The following POU2F1 variants were observed in gnomAD, a reference collection of about 807,000 sequenced individuals.
POU2F1 encodes POU domain, class 2, transcription factor 1.
Under a neutral mutation model 84.9 loss-of-function variants are expected in POU2F1, and 16 were observed. The observed-to-expected ratio is 0.19, with a 90% CI of 0.13 to 0.29. The LOEUF (loss-of-function observed/expected upper bound fraction) is 0.29. POU2F1 is among the 10% of genes least tolerant of loss of function. POU2F1 has a pLI of 1.00. For missense variants in POU2F1, 738 were observed against 942.6 expected, an observed-to-expected ratio of 0.78 and a Z score of 2.84; for synonymous variants, 368 against 368.3, an observed-to-expected ratio of 1.00 and a Z score of 0.01.
rs2101975619 is a variant in POU2F1 at position 167,426,658 on chromosome 1, T to G, written c.*10848T>G. The G allele has an allele frequency of 6.6e-6, 1 of 152,350 alleles. No homozygotes were observed. Among genetic ancestry groups the G allele is most frequent in the South Asian group, 2.1e-4 (1 of 4,828 alleles). The allele number at this position is 152,350 out of a possible 1,614,324, so 9.4% of individuals were successfully genotyped here. A position where few individuals can be genotyped will look rare whatever the true frequency, so the allele number is the denominator to read the frequency against. On this transcript the variant is annotated 3_prime_UTR_variant, in exon 16 of 16. Coordinates refer to ENST00000367866, the MANE Select transcript of POU2F1 (RefSeq NM_002697.4). Reference sequence around the variant, plus strand: ...ATTCAGGGGTGTTTGTCCACTGTTGTCAAAGGAGGGGCACAAGGGGAATTG... The same window carrying G: ...ATTCAGGGGTGTTTGTCCACTGTTGGCAAAGGAGGGGCACAAGGGGAATTG...
At chr1:167,297,419 C>T (rs919529419) in intron 1 of POU2F1, among the ~76,000 whole-genome samples, 2 of 152,142 alleles carry the variant, frequency 1.3e-5, no homozygotes, top group Non-Finnish European at 2.9e-5. Context: ...TTTTGCTTTA[C>T]CCTCATGGTT....
intron 1 of POU2F1, among the ~76,000 whole-genome samples, chr1:167,281,965 C>T (rs1301396669): frequency 6.6e-6 from 1 of 152,012 alleles, no homozygotes; most frequent in Non-Finnish European, 1.5e-5. Flanking sequence ...TTACTTAGTA[C>T]CAAGGCTTCC....
intron 1 of POU2F1, among the ~76,000 whole-genome samples, chr1:167,298,048 C>T (rs1654410563): frequency 6.6e-6 from 1 of 152,008 alleles, no homozygotes; most frequent in Non-Finnish European, 1.5e-5. Context: ...ATTGCTTGAA[C>T]CTGGGAGGCA....
intron 2 of POU2F1, among the ~76,000 whole-genome samples, chr1:167,352,707 T>G (rs370529130): frequency 6.6e-6 from 1 of 152,258 alleles, no homozygotes; most frequent in African/African-American, 2.4e-5. Context: ...TTCCAAAATA[T>G]GAAATAAATA....
At chr1:167,324,470 T>G (rs1008343810) in intron 1 of POU2F1, among the ~76,000 whole-genome samples, 1 of 152,232 alleles carries the variant, frequency 6.6e-6, no homozygotes, top group Non-Finnish European at 1.5e-5. Context: ...AAAAAATTGG[T>G]GAATGAATGT....
rs1473270351 is a variant in POU2F1 at position 167,418,103 on chromosome 1, T to C, written c.*2293T>C. Reference sequence around the variant, plus strand: ...CTAAGCTTGAACCAAAGTCAATTTTTAGCAAGCTGCTGTACTAATGGACTA... The same window carrying C: ...CTAAGCTTGAACCAAAGTCAATTTTCAGCAAGCTGCTGTACTAATGGACTA... On this transcript the variant is annotated 3_prime_UTR_variant, in exon 16 of 16. Coordinates refer to ENST00000367866, the MANE Select transcript of POU2F1 (RefSeq NM_002697.4). The C allele has an allele frequency of 1.3e-5, 2 of 152,254 alleles. No individual in the cohort carries two copies. The highest frequency in any genetic ancestry group is 2.9e-5 in the Non-Finnish European group (2 of 68,046). 9.4% of individuals were successfully genotyped at this position (152,254 alleles called of 1,614,324 possible). A position where few individuals can be genotyped will look rare whatever the true frequency, so the allele number is the denominator to read the frequency against.
Position 167,426,938 on chromosome 1 carries a change from A to G in POU2F1, c.*11128A>G, listed in dbSNP as rs1305087451. 1 of 152,182 alleles carries G rather than the reference A, an allele frequency of 6.6e-6. No individual in the cohort carries two copies. The highest frequency in any genetic ancestry group is 1.5e-5 in the Non-Finnish European group (1 of 68,042). The allele number at this position is 152,182 out of a possible 1,614,324, so 9.4% of individuals were successfully genotyped here. A position where few individuals can be genotyped will look rare whatever the true frequency, so the allele number is the denominator to read the frequency against. ...GTTAGCCAAATATTTCCCCTCTGAT[A>G]GGAATATTTTCTAAGAATCAGCTGA... On this transcript the variant is annotated 3_prime_UTR_variant, in exon 16 of 16. Transcript: ENST00000367866.
chr1:167,279,574 C>T (rs533966844), intron 1 of POU2F1, among the ~76,000 whole-genome samples: 3 of 152,172 alleles, frequency 2.0e-5, no homozygotes, highest in South Asian at 2.1e-4. Context: ...CAGAGGGGGC[C>T]GTGCATGGTG....
At chr1:167,342,445 T>C (rs1449291186) in intron 2 of POU2F1, among the ~76,000 whole-genome samples, 1 of 152,204 alleles carries the variant, frequency 6.6e-6, no homozygotes, top group Non-Finnish European at 1.5e-5. Context: ...CTATGGCTGG[T>C]ATTAGGACAT....
intron 2 of POU2F1, among the ~76,000 whole-genome samples, chr1:167,353,373 A>G (rs1658710209): frequency 6.7e-6 from 1 of 149,316 alleles, no homozygotes; most frequent in Admixed American, 6.7e-5. Flanking sequence ...TGCATCTGAC[A>G]AAGAAATATC....
chr1:167,345,424 A>G (rs1225552819), intron 2 of POU2F1, among the ~76,000 whole-genome samples: 2 of 152,218 alleles, frequency 1.3e-5, no homozygotes, highest in African/African-American at 4.8e-5. Context: ...TCCTTGTGAT[A>G]CAGGGAAAAC....
At chr1:167,379,448 A>G (rs7522390) in intron 7 of POU2F1, 112,613 of 152,170 alleles carry the variant, frequency 0.74, 41,834 homozygotes, top group East Asian at 0.87. Context: ...ATAGGAAAGA[A>G]GTATCTAGGT....
chr1:167,285,749 ATTTC>A (rs1283464051), intron 1 of POU2F1, among the ~76,000 whole-genome samples: 4 of 152,044 alleles, frequency 2.6e-5, no homozygotes, highest in African/African-American at 7.2e-5. Context: ...TTGCTATTTA[ATTTC>A]TTTGTGCAAG....
At chr1:167,322,880 AT>A (rs1331761854) in intron 1 of POU2F1, among the ~76,000 whole-genome samples, 2 of 152,200 alleles carry the variant, frequency 1.3e-5, no homozygotes, top group African/African-American at 4.8e-5. Flanking sequence ...CACTCATACT[AT>A]TGTTTGTGGT....
intron 1 of POU2F1, among the ~76,000 whole-genome samples, chr1:167,261,161 A>G (rs758575397): frequency 3.1e-4 from 47 of 152,144 alleles, no homozygotes; most frequent in Non-Finnish European, 5.1e-4. Context: ...CTGATTACTG[A>G]TGTTTAAAGA....
At chr1:167,221,057 A>G (rs2102308985) in intron 1 of POU2F1, 99 bp downstream of exon 1, 4 of 1,076,572 alleles carry the variant, frequency 3.7e-6, no homozygotes, top group East Asian at 5.4e-5. Context: ...ACTCAGGATT[A>G]TTATAATTAA....
chr1:167,353,707 C>CT (rs11431009), intron 2 of POU2F1, among the ~76,000 whole-genome samples: 3,742 of 152,064 alleles, frequency 0.025, 147 homozygotes, highest in African/African-American at 0.083. Context: ...TTTTGTTGCA[C>CT]TTTTTTTTAT....
intron 1 of POU2F1, among the ~76,000 whole-genome samples, chr1:167,276,491 A>C (rs995259473): frequency 6.6e-6 from 1 of 152,170 alleles, no homozygotes; most frequent in Non-Finnish European, 1.5e-5. Context: ...ATAGGGTTCA[A>C]TACTAGCCCC....
chr1:167,289,457 A>G (rs182057559), intron 1 of POU2F1, among the ~76,000 whole-genome samples: 48 of 152,332 alleles, frequency 3.2e-4, no homozygotes, highest in African/African-American at 5.8e-4. Context: ...AGTGACTTCA[A>G]AGGGTCTCTC....
Sources: gnomAD v4.1 joint callset for allele counts (sites outside exome capture counted in the v4.1 genomes callset) on GRCh38, gnomAD v4.1.1 for gene constraint, MANE v1.5 for transcripts, NCBI Gene and HGNC (gene_info 2026-07-23, HGNC 2026-07-21) for gene names.